Variants in SGCZ observed in about 807,000 individuals in gnomAD.
SGCZ encodes the protein zeta-sarcoglycan.
Under a neutral mutation model 41.3 loss-of-function variants are expected in SGCZ, and 40 were observed. The ratio of observed to expected loss-of-function variants is 0.97; its 90% CI spans 0.75 to 1.26. The LOEUF is 1.26. Ranked by LOEUF, SGCZ falls within the 50% of genes most tolerant of loss-of-function variation. The pLI is 0.00. For missense variants in SGCZ, 552 were observed against 369.8 expected, an observed-to-expected ratio of 1.49 and a Z score of -4.04; for synonymous variants, 206 against 137.5, an observed-to-expected ratio of 1.50 and a Z score of -3.49.
intron 1 of SGCZ, among the ~76,000 whole-genome samples, chr8:14,825,227 T>G (rs1172742186): frequency 1.3e-5 from 2 of 152,206 alleles, no homozygotes; most frequent in East Asian, 1.9e-4. Flanking sequence ...AAACCTTTTA[T>G]AGCTTCCCAT....
At chr8:15,142,117 C>T (rs1421218284) in intron 1 of SGCZ, among the ~76,000 whole-genome samples, 1 of 152,098 alleles carries the variant, frequency 6.6e-6, no homozygotes, top group Non-Finnish European at 1.5e-5. Flanking sequence ...GAGCATCCCA[C>T]TGAAATGGAC....
chr8:15,011,219 C>A (rs924812150), intron 1 of SGCZ, among the ~76,000 whole-genome samples: 1 of 152,188 alleles, frequency 6.6e-6, no homozygotes, highest in African/African-American at 2.4e-5. Context: ...TTTCATTACA[C>A]GCTTTTTTTA....
intron 2 of SGCZ, among the ~76,000 whole-genome samples, chr8:14,328,483 T>A (rs1433383420): frequency 6.6e-6 from 1 of 152,158 alleles, no homozygotes; most frequent in Non-Finnish European, 1.5e-5. Context: ...AATGGTAACA[T>A]AAGTTATGTG....
At chr8:15,127,606 G>C (rs1807753779) in intron 1 of SGCZ, among the ~76,000 whole-genome samples, 1 of 151,888 alleles carries the variant, frequency 6.6e-6, no homozygotes, top group Non-Finnish European at 1.5e-5. Context: ...TTGAAAAAGA[G>C]GACAGCCTTT....
intron 5 of SGCZ, among the ~76,000 whole-genome samples, chr8:14,154,401 C>A (rs988388840): frequency 1.3e-5 from 2 of 150,126 alleles, no homozygotes; most frequent in African/African-American, 5.0e-5. Context: ...CAAAAAAAAA[C>A]CGCAGAAAAT....
intron 5 of SGCZ, among the ~76,000 whole-genome samples, chr8:14,156,587 G>C (rs1217169341): frequency 6.6e-6 from 1 of 151,848 alleles, no homozygotes; most frequent in African/African-American, 2.4e-5. Flanking sequence ...GCAAACACTT[G>C]GTTTAAAGCA....
At chr8:14,614,461 T>G (rs1362142732) in intron 1 of SGCZ, among the ~76,000 whole-genome samples, 1 of 152,174 alleles carries the variant, frequency 6.6e-6, no homozygotes, top group Non-Finnish European at 1.5e-5. Context: ...CATGATTGTA[T>G]TTTTCTATTT....
At chr8:15,223,893 C>T (rs1263248136) in intron 1 of SGCZ, among the ~76,000 whole-genome samples, 3 of 146,890 alleles carry the variant, frequency 2.0e-5, no homozygotes, top group African/African-American at 5.5e-5. Context: ...GAGACAGAGT[C>T]TCACTCGGCA....
intron 1 of SGCZ, among the ~76,000 whole-genome samples, chr8:14,650,846 G>C (rs1807374828): frequency 6.6e-6 from 1 of 151,960 alleles, no homozygotes. Flanking sequence ...AAATAGAGGG[G>C]AGTGATATGT....
Position 14,528,750 on chromosome 8 carries a change from C to G in SGCZ, c.234+25982G>C, listed in dbSNP as rs552161120. Among the ~76,000 whole-genome samples, 12 of 151,044 alleles carry G rather than the reference C, an allele frequency of 7.9e-5. No homozygotes were observed. The East Asian group carries it at 2.2e-3, about 27-fold the overall frequency. ...TGGCCCAATTTCTATTTCTGGGCTG[C>G]CTCCTTCCTCCCAGTTAATAACCAC... On this transcript the variant is annotated intron_variant, in intron 2 of 7. Coordinates refer to ENST00000382080, the MANE Select transcript of SGCZ (RefSeq NM_139167.4).
At chr8:14,815,997 A>G (rs1402766820) in intron 1 of SGCZ, among the ~76,000 whole-genome samples, 1 of 152,234 alleles carries the variant, frequency 6.6e-6, no homozygotes, top group East Asian at 1.9e-4. Context: ...TAAATTTTCA[A>G]ATCACTTTTT....
chr8:14,578,344 C>A (rs1216076961), intron 1 of SGCZ, among the ~76,000 whole-genome samples: 1 of 152,168 alleles, frequency 6.6e-6, no homozygotes, highest in Non-Finnish European at 1.5e-5. Flanking sequence ...TGGTGCCCAC[C>A]AGTTATCAGC....
chr8:14,917,660 C>T (rs1310785899), intron 1 of SGCZ, among the ~76,000 whole-genome samples: 1 of 152,230 alleles, frequency 6.6e-6, no homozygotes, highest in East Asian at 1.9e-4. Flanking sequence ...ACTTACTTTA[C>T]ATCCTATTTC....
At chr8:14,637,046 T>C (rs1806853249) in intron 1 of SGCZ, among the ~76,000 whole-genome samples, 1 of 151,818 alleles carries the variant, frequency 6.6e-6, no homozygotes, top group African/African-American at 2.4e-5. Flanking sequence ...TCTCCTATTT[T>C]TTTTCTTTTT....
rs138212684 is a variant in SGCZ, at chr8:14,234,923, C to G, written c.424+2669G>C. Among the ~76,000 whole-genome samples, 704 of 152,252 alleles carry G rather than the reference C, an allele frequency of 4.6e-3. 5 individuals are homozygous for G. The highest frequency in any genetic ancestry group is 0.016 in the African/African-American group (654 of 41,566). Reference sequence around the variant, plus strand: ...CATAATTCAACCTTATCTAATATCACACAGATACACTGAATAGAAAAGCAT... The same window carrying G: ...CATAATTCAACCTTATCTAATATCAGACAGATACACTGAATAGAAAAGCAT... On this transcript the variant is annotated intron_variant, in intron 4 of 7. Coordinates refer to ENST00000382080, the MANE Select transcript of SGCZ (RefSeq NM_139167.4).
In SGCZ at chr8:14,366,927, A is replaced by G. The variant is rs546117342; in HGVS notation, c.235-42723T>C. 5.1e-3 allele frequency among the ~76,000 whole-genome samples: 775 copies of G among 152,284 alleles called. 1 individual carries two copies. Among genetic ancestry groups the G allele is most frequent in the Non-Finnish European group, 8.6e-3 (583 of 68,012 alleles). On this transcript the variant is annotated intron_variant, in intron 2 of 7. Coordinates refer to ENST00000382080, the MANE Select transcript of SGCZ (RefSeq NM_139167.4). ...ACATACCCTGGAGACATTTTCCCCA[A>G]CGTCTTGGAAGTTAACATTTGGGCT...
intron 1 of SGCZ, among the ~76,000 whole-genome samples, chr8:15,147,208 A>G (rs906816536): frequency 5.9e-5 from 9 of 152,134 alleles, no homozygotes; most frequent in African/African-American, 1.9e-4. Context: ...ATCTACTCCC[A>G]ACACATTCTA....
At chr8:14,242,373 C>T (rs555707978) in intron 3 of SGCZ, among the ~76,000 whole-genome samples, 1 of 152,204 alleles carries the variant, frequency 6.6e-6, no homozygotes, top group East Asian at 1.9e-4. Context: ...ACAATAAAAC[C>T]ATCCACGAAG....
intron 1 of SGCZ, among the ~76,000 whole-genome samples, chr8:14,684,277 A>G (rs1808537182): frequency 1.3e-5 from 2 of 152,190 alleles, no homozygotes; most frequent in Non-Finnish European, 2.9e-5. Flanking sequence ...TCTATAAACA[A>G]CAGCTTGTTT....
Sources: gnomAD v4.1 joint callset for allele counts (sites outside exome capture counted in the v4.1 genomes callset) on GRCh38, gnomAD v4.1.1 for gene constraint, MANE v1.5 for transcripts, NCBI Gene and HGNC (gene_info 2026-07-23, HGNC 2026-07-21) for gene names.